The following DISC1 variants were observed in gnomAD, a reference collection of about 807,000 sequenced individuals.
DISC1 encodes disrupted in schizophrenia 1 protein.
In DISC1, 57 loss-of-function variants were observed where a neutral mutation model predicts 84.5. That is an observed-to-expected ratio of 0.67 (90% CI 0.55 to 0.84). DISC1 has a LOEUF of 0.84. Among genes scored for constraint, DISC1 ranks in the 40% least tolerant of loss-of-function variants. The pLI, the probability that DISC1 is intolerant of heterozygous loss-of-function variation, is 0.00. For missense variants in DISC1, 1,000 were observed against 1,057.8 expected (o/e 0.95, Z 0.76); for synonymous variants, 411 against 415.2 (o/e 0.99, Z 0.12).
At chr1:231,756,518 AGAGAG>A (rs1430806004) in intron 4 of DISC1, among the ~76,000 whole-genome samples, 4 of 3,504 alleles carry the variant, frequency 1.1e-3, no homozygotes, top group Non-Finnish European at 5.7e-3. Context: ...GTGAATATCG[AGAGAG>A]AGAGAGAGAG....
At chr1:231,819,754 AT>A (rs34428827) in intron 9 of DISC1, among the ~76,000 whole-genome samples, 2 of 152,082 alleles carry the variant, frequency 1.3e-5, no homozygotes, top group African/African-American at 4.8e-5. Context: ...TCTGCTATTG[AT>A]TTTTTAAATG....
intron 9 of DISC1, among the ~76,000 whole-genome samples, chr1:231,912,069 TC>T (rs1553393742): frequency 8.5e-5 from 13 of 152,210 alleles, no homozygotes; most frequent in Admixed American, 6.5e-4. Flanking sequence ...AGTTAGCCAT[TC>T]GTCTAATGTT....
At chr1:231,714,510 A>G (rs1363141181) in intron 3 of DISC1, among the ~76,000 whole-genome samples, 1 of 152,154 alleles carries the variant, frequency 6.6e-6, no homozygotes, top group African/African-American at 2.4e-5. Flanking sequence ...TAGAATCACC[A>G]TATGATTCAG....
chr1:231,838,040 A>ATCC (rs2082747934), intron 9 of DISC1, among the ~76,000 whole-genome samples: 1 of 152,204 alleles, frequency 6.6e-6, no homozygotes, highest in Admixed American at 6.5e-5. Flanking sequence ...ATAGATAAGA[A>ATCC]AGATAGATAA....
intron 9 of DISC1, among the ~76,000 whole-genome samples, chr1:231,946,951 A>G (rs1469264721): frequency 6.6e-6 from 1 of 152,234 alleles, no homozygotes; most frequent in African/African-American, 2.4e-5. Flanking sequence ...TCAAGGAAAT[A>G]AGAGAGGACC....
chr1:231,907,861 G>A (rs2088859437), intron 9 of DISC1, among the ~76,000 whole-genome samples: 1 of 152,026 alleles, frequency 6.6e-6, no homozygotes. Flanking sequence ...TTTAATGATC[G>A]CCATTCTAAC....
chr1:231,883,732 G>C (rs200568283), intron 9 of DISC1, among the ~76,000 whole-genome samples: 2 of 152,158 alleles, frequency 1.3e-5, no homozygotes, highest in Non-Finnish European at 2.9e-5. Flanking sequence ...TTCAGGATGA[G>C]TCTCACTTGC....
In DISC1 at chr1:231,693,905, G is replaced by A. The variant is rs1002423142; in HGVS notation, c.147G>A (p.Ser49=). The A allele has an allele frequency of 3.7e-6, 6 of 1,614,170 alleles. No homozygotes were observed. Among genetic ancestry groups the A allele is most frequent in the Non-Finnish European group, 4.2e-6 (5 of 1,180,026 alleles). ...LARRPGYMRS[S]TGPGIGFLSP... ...GGAGGCCGGGCTACATGAGAAGCTC[G>A]ACAGGGCCTGGGATCGGGTTCCTTT... The change falls in exon 2 of 13, where the codon TCG becomes TCA. Residue 49 remains serine, a synonymous_variant. Coordinates refer to ENST00000439617, the MANE Select transcript of DISC1 (RefSeq NM_018662.3).
chr1:232,024,695 C>T (rs1462857280), intron 11 of DISC1, among the ~76,000 whole-genome samples: 1 of 151,880 alleles, frequency 6.6e-6, no homozygotes, highest in Non-Finnish European at 1.5e-5. Flanking sequence ...CGGGTTCAAG[C>T]GATTCTTCTG....
At chr1:232,029,322 A>T (rs942947959) in intron 12 of DISC1, among the ~76,000 whole-genome samples, 11 of 152,216 alleles carry the variant, frequency 7.2e-5, no homozygotes, top group African/African-American at 2.4e-4. Context: ...TTGAATTCAT[A>T]CAAAGCAGCA....
intron 9 of DISC1, among the ~76,000 whole-genome samples, chr1:231,861,534 C>T (rs1396987795): frequency 8.8e-6 from 1 of 113,804 alleles, no homozygotes; most frequent in Non-Finnish European, 1.8e-5. Flanking sequence ...CTGAATTTTT[C>T]TCAGAGCCTA....
intron 9 of DISC1, among the ~76,000 whole-genome samples, chr1:231,843,997 G>A (rs2083269748): frequency 6.6e-6 from 1 of 152,180 alleles, no homozygotes; most frequent in Admixed American, 6.5e-5. Context: ...ATGGTGCAAA[G>A]GAGTATCCTA....
intron 8 of DISC1, among the ~76,000 whole-genome samples, chr1:231,801,295 T>G (rs960266601): frequency 6.6e-6 from 1 of 151,894 alleles, no homozygotes; most frequent in Non-Finnish European, 1.5e-5. Context: ...AAAAGAAGAT[T>G]GAACACAGTC....
At chr1:231,827,602 T>C (rs1298808748) in intron 9 of DISC1, among the ~76,000 whole-genome samples, 1 of 152,222 alleles carries the variant, frequency 6.6e-6, no homozygotes, top group Non-Finnish European at 1.5e-5. Context: ...CACTTGTTGC[T>C]AATTTGATTT....
chr1:231,858,645 T>C (rs202221087), intron 9 of DISC1, among the ~76,000 whole-genome samples: 71 of 152,342 alleles, frequency 4.7e-4, no homozygotes, highest in Admixed American at 2.6e-3. Flanking sequence ...GGTTACAATT[T>C]GGAGTCGATT....
chr1:231,975,961 G>A (rs186298843), intron 10 of DISC1, among the ~76,000 whole-genome samples: 2 of 152,168 alleles, frequency 1.3e-5, no homozygotes, highest in African/African-American at 2.4e-5. Flanking sequence ...CCCTTGTACC[G>A]CATACATTTA....
At chr1:231,840,688 TTTTA>T (rs1193306544) in intron 9 of DISC1, among the ~76,000 whole-genome samples, 1 of 150,248 alleles carries the variant, frequency 6.7e-6, no homozygotes, top group African/African-American at 2.5e-5. Flanking sequence ...TTGGTTTTGT[TTTTA>T]TTTGTTTTTT....
chr1:231,781,943 A>G (rs972771599), intron 6 of DISC1, among the ~76,000 whole-genome samples: 20 of 152,222 alleles, frequency 1.3e-4, no homozygotes, highest in African/African-American at 4.3e-4. Context: ...CTTGCTGAGA[A>G]TTTAATCAGT....
At chr1:232,001,320 C>T (rs1666663011) in intron 10 of DISC1, among the ~76,000 whole-genome samples, 1 of 152,080 alleles carries the variant, frequency 6.6e-6, no homozygotes. Flanking sequence ...CTCAGGTGAT[C>T]CACCTGCCTC....
Sources: gnomAD v4.1 joint callset for allele counts (sites outside exome capture counted in the v4.1 genomes callset) on GRCh38, gnomAD v4.1.1 for gene constraint, MANE v1.5 for transcripts, NCBI Gene and HGNC (gene_info 2026-07-23, HGNC 2026-07-21) for gene names.